CNKSR2: variants seen among roughly 807,000 people sequenced by gnomAD.
CNKSR2 encodes the protein connector enhancer of kinase suppressor of Ras 2, also known as CNK homolog protein 2.
Under a neutral mutation model 84.4 loss-of-function variants are expected in CNKSR2, and 14 were observed. That is an observed-to-expected ratio of 0.17 (90% confidence interval 0.11 to 0.26). The LOEUF is 0.26. Among genes scored for constraint, CNKSR2 ranks in the 10% least tolerant of loss-of-function variants. The pLI, the probability that CNKSR2 is intolerant of heterozygous loss-of-function variation, is 1.00. For missense variants in CNKSR2, 485 were observed against 771.2 expected (o/e 0.63, Z 4.40); for synonymous variants, 275 against 277.9 (o/e 0.99, Z 0.10).
At chrX:21,551,204 G>A (rs1044505462) in intron 11 of CNKSR2, among the ~76,000 whole-genome samples, 2 of 110,051 alleles carry the variant, frequency 1.8e-5, no homozygotes, top group Non-Finnish European at 3.8e-5. Flanking sequence ...ATCACACACC[G>A]GGGCCTTTCG....
chrX:21,641,249 G>A (rs964190583), intron 20 of CNKSR2, among the ~76,000 whole-genome samples: 1 of 111,884 alleles, frequency 8.9e-6, no homozygotes, highest in African/African-American at 3.2e-5. Flanking sequence ...GTATAGTGGT[G>A]GGAAAATATT....
chrX:21,393,250 C>T (rs1299848836), intron 1 of CNKSR2, among the ~76,000 whole-genome samples: 2 of 112,229 alleles, frequency 1.8e-5, no homozygotes, highest in Non-Finnish European at 3.8e-5. Flanking sequence ...CCTAGCTATG[C>T]ATTAATGTGC....
intron 5 of CNKSR2, among the ~76,000 whole-genome samples, chrX:21,484,734 G>C (rs987605230): frequency 9.0e-6 from 1 of 111,353 alleles, no homozygotes; most frequent in African/African-American, 3.3e-5. Flanking sequence ...AAGAATAATT[G>C]AACAGTACCC....
At chrX:21,477,471 T>A (rs2091272182) in intron 5 of CNKSR2, among the ~76,000 whole-genome samples, 1 of 111,329 alleles carries the variant, frequency 9.0e-6, no homozygotes, top group Non-Finnish European at 1.9e-5. Flanking sequence ...ATTAGGCTTA[T>A]TTTGGCATGT....
chrX:21,513,992 A>C (rs2091701494), intron 8 of CNKSR2, among the ~76,000 whole-genome samples: 1 of 112,257 alleles, frequency 8.9e-6, no homozygotes, highest in Non-Finnish European at 1.9e-5. Context: ...TAAAAGTATA[A>C]AGAAGAAAGT....
intron 5 of CNKSR2, among the ~76,000 whole-genome samples, chrX:21,483,598 A>G (rs901017432): frequency 9.5e-6 from 1 of 105,061 alleles, no homozygotes; most frequent in African/African-American, 3.5e-5. Context: ...AATAAAATAT[A>G]TATATATATA....
chrX:21,609,488 C>T lies in CNKSR2; in HGVS notation c.2563C>T (p.His855Tyr). Residue 855 changes from histidine to tyrosine, a missense_variant, in exon 20 of 22, where the codon CAT (histidine) becomes TAT (tyrosine). Coordinates refer to ENST00000379510, the MANE Select transcript of CNKSR2 (RefSeq NM_014927.5). ...TCTGCCTCGAGATAGCGGGTTCAAC[C>T]ATTGCTGTCTGAATGCTCCAGTTAG... ...FTLPRDSGFN[H>Y]CCLNAPVSAC... 1 of 1,211,269 alleles carries T rather than the reference C, an allele frequency of 8.3e-7. No homozygotes were observed.
At chrX:21,392,619 C>T (rs754988981) in intron 1 of CNKSR2, among the ~76,000 whole-genome samples, 2 of 111,587 alleles carry the variant, frequency 1.8e-5, no homozygotes, top group African/African-American at 3.3e-5. Flanking sequence ...CACCAGGCCC[C>T]TCCTCCAACA....
chrX:21,501,831 A>G (rs1176851299), intron 8 of CNKSR2, among the ~76,000 whole-genome samples: 1 of 110,506 alleles, frequency 9.0e-6, no homozygotes, highest in Non-Finnish European at 1.9e-5. Flanking sequence ...GAAAAGTACT[A>G]GATAATAGTA....
intron 1 of CNKSR2, among the ~76,000 whole-genome samples, chrX:21,402,408 CTT>C (rs1480907884): frequency 9.0e-6 from 1 of 111,115 alleles, no homozygotes; most frequent in Non-Finnish European, 1.9e-5. Context: ...TTATGAACAA[CTT>C]AGGTTTAATA....
Position 21,374,926 on chromosome X carries a change from A to C in CNKSR2, c.29A>C (p.Lys10Thr). ...GCTCTGATAATGGAACCGGTGAGCA[A>C]ATGGTCTCCGAGTCAAGTAGTGGAC... MALIMEPVS[K>T]WSPSQVVDWM... The change falls in exon 1 of 22, where the codon AAA becomes ACA. Residue 10 changes from lysine (K) to threonine (T), a missense_variant. Lys to Thr is a moderately conservative substitution (Grantham distance 78, BLOSUM62 -1). This residue lies in a region of CNKSR2 where 109 missense variants were observed against 197.5 expected (regional missense o/e 0.55). Coordinates refer to ENST00000379510, the MANE Select transcript of CNKSR2 (RefSeq NM_014927.5). 2 of 1,210,103 alleles carry C rather than the reference A, an allele frequency of 1.7e-6. No individual in the cohort carries two copies. Among genetic ancestry groups the C allele is most frequent in the Non-Finnish European group, 2.2e-6 (2 of 893,904 alleles).
rs2089770779 is a variant in CNKSR2, at chrX:21,374,600, A to AGCGGAG, written c.-296_-295insGGAGGC. 2.2e-6 allele frequency: 1 copy of AGCGGAG among 458,991 alleles called. No homozygotes were observed. The highest frequency in any genetic ancestry group is 3.8e-6 in the Non-Finnish European group (1 of 260,496). The allele number at this position is 458,991 out of a possible 1,213,427, so 37.8% of individuals were successfully genotyped here. A position where few individuals can be genotyped will look rare whatever the true frequency, so the allele number is the denominator to read the frequency against. ...ACCGGAGCGGAGCGGCGGAGGCAGCAGCAGCAGCAGCAGCAGCAGCAGCAG... is the reference window on the plus strand; with the variant it reads ...ACCGGAGCGGAGCGGCGGAGGCAGCAGCGGAGGCAGCAGCAGCAGCAGCAGCAGCAG... On this transcript the variant is annotated 5_prime_UTR_variant, in exon 1 of 22. Transcript: ENST00000379510.
intron 1 of CNKSR2, among the ~76,000 whole-genome samples, chrX:21,415,469 A>G (rs1381395328): frequency 1.8e-5 from 2 of 109,691 alleles, no homozygotes; most frequent in African/African-American, 6.6e-5. Flanking sequence ...GTTTTTCTAA[A>G]TATAAGATCA....
chrX:21,559,240 A>G (rs958225581), intron 11 of CNKSR2, among the ~76,000 whole-genome samples: 2 of 110,665 alleles, frequency 1.8e-5, no homozygotes, highest in Non-Finnish European at 3.8e-5. Context: ...ATTGCAAAGG[A>G]CAAAGAATAT....
At chrX:21,477,244 G>GTA (rs2091269318) in intron 5 of CNKSR2, among the ~76,000 whole-genome samples, 1 of 112,099 alleles carries the variant, frequency 8.9e-6, no homozygotes, top group South Asian at 3.7e-4. Flanking sequence ...GTATGGCCTT[G>GTA]TATATGGCAC....
intron 4 of CNKSR2, among the ~76,000 whole-genome samples, chrX:21,451,640 T>G (rs1308658829): frequency 1.1e-5 from 1 of 91,323 alleles, no homozygotes; most frequent in Admixed American, 1.4e-4. Context: ...TAGGTGGGAA[T>G]TGAACAGTGA....
chrX:21,612,396 C>G (rs762025203), intron 20 of CNKSR2, among the ~76,000 whole-genome samples: 7 of 112,283 alleles, frequency 6.2e-5, no homozygotes, highest in Non-Finnish European at 1.1e-4. Flanking sequence ...AAATCAAAGT[C>G]CAACAGCAGT....
chrX:21,532,749 G>C (rs1386612851), intron 11 of CNKSR2, among the ~76,000 whole-genome samples: 1 of 111,670 alleles, frequency 9.0e-6, no homozygotes. Flanking sequence ...TCAAGCTTGT[G>C]GTTCTTCTGC....
intron 3 of CNKSR2, among the ~76,000 whole-genome samples, chrX:21,435,652 A>G (rs1489947325): frequency 8.9e-6 from 1 of 111,863 alleles, no homozygotes; most frequent in African/African-American, 3.2e-5. Flanking sequence ...TTTAACCTAC[A>G]TCCTACTGTT....
Sources: allele counts gnomAD v4.1 joint callset (sites outside exome capture counted in the v4.1 genomes callset), GRCh38; gene constraint gnomAD v4.1.1; regional missense constraint gnomAD v4.1.1; transcripts MANE v1.5; gene names NCBI Gene and HGNC (gene_info 2026-07-23, HGNC 2026-07-21).